COL4A3: variants seen among roughly 807,000 people sequenced by gnomAD.
COL4A3 encodes collagen alpha-3(IV) chain.
Under a neutral mutation model 217.4 loss-of-function variants are expected in COL4A3, and 135 were observed. That is an observed-to-expected ratio of 0.62 (90% CI 0.54 to 0.72). COL4A3 has a LOEUF of 0.72. Among genes scored for constraint, COL4A3 ranks in the 30% least tolerant of loss-of-function variants. COL4A3 has a pLI of 0.00. For missense variants in COL4A3, 1,868 were observed against 2,119.9 expected (o/e 0.88, Z 2.33); for synonymous variants, 690 against 736.3 (o/e 0.94, Z 1.02).
At chr2:227,202,747 ATATATAT>A (rs1559819179) in intron 1 of COL4A3, among the ~76,000 whole-genome samples, 5 of 15,902 alleles carry the variant, frequency 3.1e-4, no homozygotes, top group African/African-American at 1.6e-3. Flanking sequence ...AAAAAAAAAA[ATATATAT>A]ATATATATAT....
intron 6 of COL4A3, chr2:227,246,401 G>A (rs986320672): frequency 1.1e-4 from 58 of 523,866 alleles, no homozygotes; most frequent in Non-Finnish European, 1.3e-4. Flanking sequence ...TGGTGGCCAT[G>A]AATGAACTAA....
In COL4A3 at chr2:227,309,037, C is replaced by T. The variant is rs1574841796; in HGVS notation, c.4601C>T (p.Ala1534Val). ...STPALMPMNM[A>V]PITGRALEPY... ...CCAGCTCTGATGCCAATGAACATGG[C>T]TCCCATTACTGGCAGAGCCCTTGAG... The change falls in exon 49 of 52, where the codon GCT becomes GTT. Residue 1534 changes from alanine to valine, a missense_variant. By Grantham distance (64) the Ala-to-Val change is moderately conservative (BLOSUM62 0). This residue lies in a region of COL4A3 where 1,503 missense variants were observed against 1,786.1 expected (regional missense o/e 0.84). Transcript: ENST00000396578. 6.2e-7 allele frequency: 1 copy of T among 1,614,202 alleles called. No homozygotes were observed. Among genetic ancestry groups the T allele is most frequent in the South Asian group, 1.1e-5 (1 of 91,086 alleles).
intron 1 of COL4A3, among the ~76,000 whole-genome samples, chr2:227,202,560 C>T (rs916506507): frequency 5.3e-5 from 8 of 150,516 alleles, no homozygotes; most frequent in Non-Finnish European, 1.0e-4. Flanking sequence ...TTGGCTAACA[C>T]GGTGAAACCC....
intron 1 of COL4A3, among the ~76,000 whole-genome samples, chr2:227,184,357 A>G (rs1274103278): frequency 6.6e-6 from 1 of 152,232 alleles, no homozygotes; most frequent in Non-Finnish European, 1.5e-5. Context: ...TTTTGCAGAC[A>G]TATGAGTGTC....
At chr2:227,169,159 C>A (rs1014765048) in intron 1 of COL4A3, 7 of 150,030 alleles carry the variant, frequency 4.7e-5, no homozygotes, top group East Asian at 2.0e-4. Flanking sequence ...TTTGTTCTTG[C>A]GATAGTTTAC....
At chr2:227,210,985 TTTTTTGTTTTTG>T (rs1056978917) in intron 1 of COL4A3, among the ~76,000 whole-genome samples, 1 of 152,062 alleles carries the variant, frequency 6.6e-6, no homozygotes, top group Non-Finnish European at 1.5e-5. Flanking sequence ...AAGCTGTAGT[TTTTTTGTTTTTG>T]TTTTTGTTTT....
intron 1 of COL4A3, among the ~76,000 whole-genome samples, chr2:227,214,976 A>C (rs2067470201): frequency 6.6e-6 from 1 of 152,136 alleles, no homozygotes; most frequent in African/African-American, 2.4e-5. Context: ...CTTCAGACTG[A>C]CTCATTCTTG....
intron 1 of COL4A3, among the ~76,000 whole-genome samples, chr2:227,170,493 A>T (rs1358590964): frequency 2.6e-5 from 4 of 152,174 alleles, no homozygotes; most frequent in African/African-American, 9.7e-5. Context: ...AGAGGGAAAG[A>T]GACCCAAATG....
At chr2:227,257,434 C>T (rs141221190) in intron 17 of COL4A3, among the ~76,000 whole-genome samples, 169 bp from the exon 18 acceptor site, 105 of 152,334 alleles carry the variant, frequency 6.9e-4, no homozygotes, top group African/African-American at 2.4e-3. Context: ...TACCCAGATA[C>T]GCGCTCTCCA....
chr2:227,213,631 C>T (rs893711320), intron 1 of COL4A3, among the ~76,000 whole-genome samples: 4 of 152,056 alleles, frequency 2.6e-5, no homozygotes, highest in Non-Finnish European at 5.9e-5. Context: ...TGGCCAGGCG[C>T]GGTGGCTTAC....
At chr2:227,227,748 A>C (rs1317341477) in intron 1 of COL4A3, 2 of 152,120 alleles carry the variant, frequency 1.3e-5, no homozygotes, top group African/African-American at 4.8e-5. Flanking sequence ...GACAGCCAGC[A>C]CTGAAAGTGC....
At chr2:227,210,261 T>C (rs1025640020) in intron 1 of COL4A3, among the ~76,000 whole-genome samples, 1 of 152,232 alleles carries the variant, frequency 6.6e-6, no homozygotes, top group Non-Finnish European at 1.5e-5. Flanking sequence ...CAATCATCCA[T>C]GAAATGATGT....
At chr2:227,213,544 A>T (rs2067403853) in intron 1 of COL4A3, among the ~76,000 whole-genome samples, 1 of 137,034 alleles carries the variant, frequency 7.3e-6, no homozygotes. Context: ...GTAGTTTTCA[A>T]CCCAAGCTCT....
chr2:227,200,841 A>T (rs2066657492), intron 1 of COL4A3, among the ~76,000 whole-genome samples: 1 of 152,206 alleles, frequency 6.6e-6, no homozygotes, highest in African/African-American at 2.4e-5. Flanking sequence ...TTGAACAATT[A>T]CATGTTCAAT....
intron 48 of COL4A3, among the ~76,000 whole-genome samples, chr2:227,308,685 T>C (rs1419657792): frequency 6.6e-6 from 1 of 152,238 alleles, no homozygotes; most frequent in Non-Finnish European, 1.5e-5. Context: ...ACCGGAAGTA[T>C]TAAAGGTGGG....
intron 11 of COL4A3, among the ~76,000 whole-genome samples, chr2:227,252,523 C>T (rs796446441): frequency 2.6e-5 from 4 of 151,374 alleles, no homozygotes; most frequent in African/African-American, 9.7e-5. Context: ...GCTTGGGTAG[C>T]CTTTTATATG....
intron 1 of COL4A3, among the ~76,000 whole-genome samples, chr2:227,171,934 T>A (rs1045191926): frequency 3.9e-5 from 6 of 152,176 alleles, no homozygotes; most frequent in Non-Finnish European, 8.8e-5. Flanking sequence ...TAGGGTCCCT[T>A]CTCTCCTGAT....
chr2:227,249,212 G>GTGTATATATA (rs1199261361), intron 9 of COL4A3, among the ~76,000 whole-genome samples: 5 of 33,226 alleles, frequency 1.5e-4, no homozygotes, highest in Non-Finnish European at 2.9e-4. Context: ...AAATTAGCTA[G>GTGTATATATA]TATATATATA....
intron 15 of COL4A3, 125 bp downstream of exon 15, chr2:227,254,840 T>C: frequency 1.3e-6 from 1 of 753,248 alleles, no homozygotes; most frequent in Non-Finnish European, 2.4e-6. Flanking sequence ...CTTTAAGATT[T>C]GGGAGGCAGG....
Sources: gnomAD v4.1 joint callset for allele counts (sites outside exome capture counted in the v4.1 genomes callset) on GRCh38, gnomAD v4.1.1 for gene constraint, gnomAD v4.1.1 regional missense constraint, MANE v1.5 for transcripts, NCBI Gene and HGNC (gene_info 2026-07-23, HGNC 2026-07-21) for gene names.